The following AATF variants were observed in gnomAD, a reference collection of about 807,000 sequenced individuals.
AATF encodes apoptosis antagonizing transcription factor.
In AATF, 48 loss-of-function variants were observed where a neutral mutation model predicts 63.7. The observed-to-expected ratio is 0.75, with a 90% CI of 0.60 to 0.96. The LOEUF (loss-of-function observed/expected upper bound fraction) is 0.96, where lower values mean the gene tolerates loss of function less well. AATF is among the 40% of genes least tolerant of loss of function. The probability of loss-of-function intolerance (pLI) is 0.00; values close to 1 mark genes in which losing one functional copy is unlikely to be tolerated. For synonymous variants in AATF, 258 were observed against 247.7 expected, an observed-to-expected ratio of 1.04 and a Z score of -0.39; for missense variants, 639 against 685.7, an observed-to-expected ratio of 0.93 and a Z score of 0.76.
chr17:36,952,869 C>T lies in AATF; in HGVS notation c.284-17C>T, dbSNP rs1310712852. 5 of 1,599,086 alleles carry T rather than the reference C, an allele frequency of 3.1e-6. No individual in the cohort carries two copies. In the Admixed American group the frequency reaches 5.2e-5, roughly 17 times the overall value. On this transcript the variant is annotated splice_polypyrimidine_tract_variant and intron_variant, in intron 2 of 11. Coordinates refer to ENST00000619387, the MANE Select transcript of AATF (RefSeq NM_012138.4). The stretch of plus-strand genomic sequence containing the variant: ...GGTAATACCCATTTTTCTCTTTCTT[C>T]CCTCTCTTCTTTGTAGATGAGGAAA...
At chr17:37,042,269 C>A (rs1293422991) in intron 11 of AATF, among the ~76,000 whole-genome samples, 1 of 151,908 alleles carries the variant, frequency 6.6e-6, no homozygotes, top group Non-Finnish European at 1.5e-5. Context: ...TATCCCAGAA[C>A]AATTATTCAC....
At position 37,020,939 on chromosome 17, in the gene AATF, G is replaced by T. The variant is rs1184240166; in HGVS notation, c.1472G>T (p.Trp491Leu). The change falls in exon 10 of 12, where the codon TGG becomes TTG. Residue 491 changes from tryptophan (W) to leucine (L), a missense_variant. Coordinates refer to ENST00000619387, the MANE Select transcript of AATF (RefSeq NM_012138.4). ...PNDQVAMGRQ[W>L]LAIQKLRSKI... ...ATTGCTTGTGAATTTTCCAGGCAGT[G>T]GCTTGCAATCCAGAAGTTACGAAGC... 6 of 1,610,584 alleles carry T rather than the reference G, an allele frequency of 3.7e-6. No individual in the cohort carries two copies. Among genetic ancestry groups the T allele is most frequent in the Non-Finnish European group, 5.1e-6 (6 of 1,178,444 alleles).
intron 11 of AATF, chr17:37,054,810 CGTT>C (rs1392482446): frequency 6.6e-6 from 1 of 152,196 alleles, no homozygotes; most frequent in East Asian, 1.9e-4. Flanking sequence ...TCTCATCAGA[CGTT>C]GTTGTCCTAA....
At position 37,056,659 on chromosome 17, in the gene AATF, GATTGAC is replaced by G. The variant is rs2071801274; in HGVS notation, c.1681_*3del. On this transcript the variant is annotated stop_lost and 3_prime_UTR_variant, in exon 12 of 12. Coordinates refer to ENST00000619387, the MANE Select transcript of AATF (RefSeq NM_012138.4). ...CCACCCTCCCGACGAAGGCCACGGG[GATTGAC>G]ATCGCCCACCTCCGACACCCAGTGG... 1.2e-6 allele frequency: 2 copies of G among 1,614,086 alleles called. No individual in the cohort carries two copies. The highest frequency in any genetic ancestry group is 2.7e-5 in the African/African-American group (2 of 74,926).
chr17:36,989,441 G>A, intron 7 of AATF, 30 bp downstream of exon 7: 1 of 1,564,792 alleles, frequency 6.4e-7, no homozygotes, highest in Non-Finnish European at 8.7e-7. Flanking sequence ...GAGTGATTAT[G>A]GGGAATAGTT....
intron 7 of AATF, among the ~76,000 whole-genome samples, chr17:36,990,375 A>G (rs2071204275): frequency 6.6e-6 from 1 of 152,180 alleles, no homozygotes; most frequent in Admixed American, 6.5e-5. Context: ...CTGTACATGT[A>G]TTATGTGTTC....
chr17:36,978,386 A>G (rs2071094891), intron 4 of AATF, among the ~76,000 whole-genome samples: 1 of 152,048 alleles, frequency 6.6e-6, no homozygotes, highest in East Asian at 1.9e-4. Context: ...TGTTTCCTCC[A>G]TACACTCCTG....
intron 8 of AATF, among the ~76,000 whole-genome samples, chr17:36,999,627 G>A (rs1429148037): frequency 6.6e-6 from 1 of 152,192 alleles, no homozygotes; most frequent in Non-Finnish European, 1.5e-5. Flanking sequence ...GGATGAAACA[G>A]GGAACTACAT....
intron 4 of AATF, among the ~76,000 whole-genome samples, chr17:36,968,724 T>G (rs1423761281): frequency 3.9e-5 from 6 of 151,968 alleles, no homozygotes; most frequent in African/African-American, 1.5e-4. Flanking sequence ...TGGGCTCAGG[T>G]TATCTTCCTG....
Position 37,056,721 on chromosome 17 carries a change from A to G in AATF, c.*57A>G, listed in dbSNP as rs1733976062. On this transcript the variant is annotated 3_prime_UTR_variant, in exon 12 of 12. Coordinates refer to ENST00000619387, the MANE Select transcript of AATF (RefSeq NM_012138.4). ...TTGGCTGGTGCGGCTGCTGGTCCAG[A>G]TGGAGGAAACCAGTGACTTTATGGG... 3.2e-6 allele frequency: 5 copies of G among 1,572,166 alleles called. No homozygotes were observed. Among genetic ancestry groups the G allele is most frequent in the Non-Finnish European group, 4.4e-6 (5 of 1,142,844 alleles).
At chr17:36,998,949 A>G (rs1465337308) in intron 8 of AATF, 1 of 152,252 alleles carries the variant, frequency 6.6e-6, no homozygotes, top group Non-Finnish European at 1.5e-5. Context: ...TAGGGTTCTC[A>G]CAAACATGCC....
chr17:36,984,827 G>A (rs547606253), intron 4 of AATF, among the ~76,000 whole-genome samples: 20 of 151,754 alleles, frequency 1.3e-4, no homozygotes, highest in Non-Finnish European at 2.8e-4. Flanking sequence ...TTGTAGAGCT[G>A]GGGTCTTACT....
chr17:37,051,726 A>G (rs1053683311), intron 11 of AATF, among the ~76,000 whole-genome samples: 4 of 151,590 alleles, frequency 2.6e-5, no homozygotes, highest in East Asian at 1.9e-4. Context: ...ACACACACAC[A>G]CACGCACATT....
At chr17:36,981,449 CTT>C (rs753771082) in intron 4 of AATF, among the ~76,000 whole-genome samples, 8 of 143,538 alleles carry the variant, frequency 5.6e-5, no homozygotes, top group African/African-American at 5.1e-5. Flanking sequence ...ACTTTTCTTT[CTT>C]TTTTTTTTTT....
At chr17:36,950,843 A>G (rs1020889702) in intron 2 of AATF, among the ~76,000 whole-genome samples, 15 of 152,246 alleles carry the variant, frequency 9.9e-5, no homozygotes, top group African/African-American at 3.6e-4. Flanking sequence ...TGTTCGGACT[A>G]ATGGCTCACC....
chr17:37,029,061 C>T (rs1315444347), intron 10 of AATF, among the ~76,000 whole-genome samples: 1 of 151,910 alleles, frequency 6.6e-6, no homozygotes, highest in Non-Finnish European at 1.5e-5. Context: ...TAGATAAGCT[C>T]ATACTCTGTA....
intron 2 of AATF, among the ~76,000 whole-genome samples, chr17:36,952,232 C>A (rs1445010677): frequency 6.6e-6 from 1 of 152,202 alleles, no homozygotes; most frequent in Non-Finnish European, 1.5e-5. Context: ...TACCATCCCC[C>A]ACCTTTCCAG....
chr17:36,975,133 C>T (rs1263554182), intron 4 of AATF, among the ~76,000 whole-genome samples: 1 of 152,062 alleles, frequency 6.6e-6, no homozygotes, highest in Non-Finnish European at 1.5e-5. Context: ...TAGAGATAAC[C>T]ATTTTAAATA....
chr17:37,002,903 G>GT (rs35926577), intron 8 of AATF, among the ~76,000 whole-genome samples: 7,281 of 99,172 alleles, frequency 0.073, 355 homozygotes, highest in Non-Finnish European at 0.1. Flanking sequence ...TCCTGTTGCT[G>GT]TTTTTTTTTT....
Sources: allele counts gnomAD v4.1 joint callset (sites outside exome capture counted in the v4.1 genomes callset), GRCh38; gene constraint gnomAD v4.1.1; transcripts MANE v1.5; gene names NCBI Gene and HGNC (gene_info 2026-07-23, HGNC 2026-07-21).